Variants in IQGAP2 observed in about 807,000 individuals in gnomAD.
The protein encoded by IQGAP2 is IQ motif containing GTPase activating protein 2.
Under a neutral mutation model 201.3 loss-of-function variants are expected in IQGAP2, and 173 were observed. That is an observed-to-expected ratio of 0.86 (90% CI 0.76 to 0.98). IQGAP2 has a LOEUF of 0.98. Ranked by LOEUF, IQGAP2 falls within the 50% of genes least tolerant of loss-of-function variation. The pLI, the probability that IQGAP2 is intolerant of heterozygous loss-of-function variation, is 0.00. For synonymous variants in IQGAP2, 675 were observed against 673.9 expected, an observed-to-expected ratio of 1.00 and a Z score of -0.03; for missense variants, 1,687 against 1,864.8, an observed-to-expected ratio of 0.90 and a Z score of 1.76.
intron 2 of IQGAP2, among the ~76,000 whole-genome samples, chr5:76,527,468 G>A (rs185634477): frequency 6.6e-6 from 1 of 152,320 alleles, no homozygotes; most frequent in East Asian, 1.9e-4. Flanking sequence ...GCAGAAGCAG[G>A]AGTGGGATAT....
At chr5:76,646,982 T>A (rs183058709) in intron 17 of IQGAP2, among the ~76,000 whole-genome samples, 16 of 152,336 alleles carry the variant, frequency 1.1e-4, no homozygotes, top group Admixed American at 1.0e-3. Context: ...AATAAATTTT[T>A]AGTTGATCCT....
At chr5:76,486,440 A>G (rs1756141178) in intron 2 of IQGAP2, among the ~76,000 whole-genome samples, 1 of 152,210 alleles carries the variant, frequency 6.6e-6, no homozygotes, top group Non-Finnish European at 1.5e-5. Context: ...TCTGGCTTAT[A>G]TTAATATACT....
Position 76,697,980 on chromosome 5 carries a change from GT to G in IQGAP2, c.4207-3del. On this transcript the variant is annotated splice_polypyrimidine_tract_variant and splice_region_variant and intron_variant, in intron 32 of 35. Coordinates refer to ENST00000274364, the MANE Select transcript of IQGAP2 (RefSeq NM_006633.5). Reference sequence around the variant, plus strand: ...TTAAATATGATACCCCTTACTTGTTGTTTTAGGATATTCGAAATCAAAGAAT... The same window carrying G: ...TTAAATATGATACCCCTTACTTGTTGTTTAGGATATTCGAAATCAAAGAAT... 1.2e-6 allele frequency: 2 copies of G among 1,607,658 alleles called. No individual in the cohort carries two copies. Among genetic ancestry groups the G allele is most frequent in the Non-Finnish European group, 1.7e-6 (2 of 1,177,170 alleles).
intron 1 of IQGAP2, chr5:76,441,407 C>T: frequency 1.5e-6 from 1 of 645,972 alleles, no homozygotes; most frequent in Non-Finnish European, 1.9e-6. Context: ...CAGGAATTAA[C>T]TACCTAAAGT....
intron 5 of IQGAP2, among the ~76,000 whole-genome samples, chr5:76,585,208 A>G (rs1436322413): frequency 6.6e-6 from 1 of 152,218 alleles, no homozygotes; most frequent in Non-Finnish European, 1.5e-5. Context: ...AGAAAAATGT[A>G]AAAGTATATT....
At chr5:76,583,808 T>A (rs1298557638) in intron 5 of IQGAP2, among the ~76,000 whole-genome samples, 1 of 152,248 alleles carries the variant, frequency 6.6e-6, no homozygotes, top group African/African-American at 2.4e-5. Flanking sequence ...TTACTTCATG[T>A]TATCATCAAA....
At chr5:76,423,270 G>A (rs934099984) in intron 1 of IQGAP2, among the ~76,000 whole-genome samples, 4 of 152,186 alleles carry the variant, frequency 2.6e-5, no homozygotes, top group African/African-American at 9.7e-5. Flanking sequence ...AAGAAGCTGT[G>A]AGTTACTGGG....
chr5:76,660,053 AG>A (rs1451997498), intron 21 of IQGAP2: 1 of 152,180 alleles, frequency 6.6e-6, no homozygotes. Context: ...TAGGTCAAAG[AG>A]GGAAACTGAT....
chr5:76,665,742 G>A (rs1277773261), intron 22 of IQGAP2, among the ~76,000 whole-genome samples: 3 of 152,180 alleles, frequency 2.0e-5, no homozygotes, highest in Non-Finnish European at 4.4e-5. Context: ...TGCTTCCTGA[G>A]TGTTGGTGAG....
intron 13 of IQGAP2, among the ~76,000 whole-genome samples, chr5:76,611,394 C>A (rs555075135): frequency 2.0e-5 from 3 of 152,248 alleles, no homozygotes; most frequent in Admixed American, 1.3e-4. Context: ...TGCTTTAATT[C>A]TTTGACTAAA....
chr5:76,450,270 T>A (rs1296245164), intron 1 of IQGAP2, among the ~76,000 whole-genome samples: 1 of 152,184 alleles, frequency 6.6e-6, no homozygotes, highest in African/African-American at 2.4e-5. Flanking sequence ...CACCCACTCT[T>A]GCCAACCCAA....
intron 1 of IQGAP2, among the ~76,000 whole-genome samples, chr5:76,445,533 C>T (rs142540503): frequency 7.4e-5 from 11 of 147,810 alleles, no homozygotes; most frequent in African/African-American, 2.0e-4. Flanking sequence ...GGTGTGGTCT[C>T]GGCTCCCTGC....
At chr5:76,411,166 G>C (rs943552468) in intron 1 of IQGAP2, among the ~76,000 whole-genome samples, 1 of 152,108 alleles carries the variant, frequency 6.6e-6, no homozygotes. Flanking sequence ...ATTCTGATGC[G>C]CTAGAGCATC....
chr5:76,403,674 C>A lies in IQGAP2; in HGVS notation c.46+83C>A, dbSNP rs535828837. On this transcript the variant is annotated intron_variant, in intron 1 of 35. Coordinates refer to ENST00000274364, the MANE Select transcript of IQGAP2 (RefSeq NM_006633.5). The surrounding 1 kb of genome is among the most constrained non-coding windows in gnomAD (Gnocchi z 4.8). The stretch of plus-strand genomic sequence containing the variant: ...ACGGCGTTGGAGAAGCCGAGGGAGC[C>A]GGTTGCGCGGCGCAGAGGAAATTGG... 1.5e-5 allele frequency: 18 copies of A among 1,215,992 alleles called. No homozygotes were observed. Among genetic ancestry groups the A allele is most frequent in the African/African-American group, 6.4e-5 (4 of 62,458 alleles). The allele number at this position is 1,215,992 out of a possible 1,614,324, so 75.3% of individuals were successfully genotyped here. A position where few individuals can be genotyped will look rare whatever the true frequency, so the allele number is the denominator to read the frequency against.
intron 26 of IQGAP2, 45 bp downstream of exon 26, chr5:76,674,081 T>G (rs1243533455): frequency 8.6e-6 from 9 of 1,045,450 alleles, no homozygotes; most frequent in Non-Finnish European, 1.4e-5. Flanking sequence ...CCTGGGGGTA[T>G]GAATCAAAAT....
At chr5:76,468,034 G>A (rs1052608001) in intron 2 of IQGAP2, among the ~76,000 whole-genome samples, 2 of 152,150 alleles carry the variant, frequency 1.3e-5, no homozygotes, top group Admixed American at 1.3e-4. Flanking sequence ...ATTGATTGTG[G>A]TGATGGTTGC....
Position 76,671,978 on chromosome 5 carries a change from G to A in IQGAP2, c.3063G>A (p.Glu1021=), listed in dbSNP as rs1191588029. 1 of 1,608,524 alleles carries A rather than the reference G, an allele frequency of 6.2e-7. No homozygotes were observed. Residue 1021 remains glutamate, a synonymous_variant, in exon 24 of 36, where the codon GAG becomes GAA. Transcript: ENST00000274364. ...WVNQLETQTG[E]ASKLPYDVTT... is the part of the protein sequence containing the mutation. ...ACCAACTAGAAACACAGACTGGAGAGGCCAGGTAATAGAATCAGGAAGGTG... is the reference window on the plus strand; with the variant it reads ...ACCAACTAGAAACACAGACTGGAGAAGCCAGGTAATAGAATCAGGAAGGTG...
At chr5:76,495,409 T>C (rs962949844) in intron 2 of IQGAP2, among the ~76,000 whole-genome samples, 16 of 152,222 alleles carry the variant, frequency 1.1e-4, no homozygotes, top group African/African-American at 3.4e-4. Flanking sequence ...GGGACAGAAT[T>C]GCTCAGGTGA....
chr5:76,592,956 T>A, intron 9 of IQGAP2, 31 bp downstream of exon 9: 1 of 1,404,416 alleles, frequency 7.1e-7, no homozygotes, highest in Non-Finnish European at 1.0e-6. Context: ...AGGAAATTGA[T>A]ATTTCCGTAA....
Sources: gnomAD v4.1 joint callset for allele counts (sites outside exome capture counted in the v4.1 genomes callset) on GRCh38, gnomAD v4.1.1 for gene constraint, Gnocchi (gnomAD v3.1) non-coding constraint, MANE v1.5 for transcripts, NCBI Gene and HGNC (gene_info 2026-07-23, HGNC 2026-07-21) for gene names.